HMCN1: variants seen among roughly 807,000 people sequenced by gnomAD.
The protein encoded by HMCN1 is hemicentin 1, also known as hemicentin-1.
Under a neutral mutation model 625.9 loss-of-function variants are expected in HMCN1, and 321 were observed. The observed-to-expected ratio is 0.51, with a 90% CI of 0.47 to 0.56. The LOEUF is 0.56. Among genes scored for constraint, HMCN1 ranks in the 20% least tolerant of loss-of-function variants. The pLI, the probability that HMCN1 is intolerant of heterozygous loss-of-function variation, is 0.00. For synonymous variants in HMCN1, 2,425 were observed against 2,417.6 expected (o/e 1.00, Z -0.09); for missense variants, 6,588 against 6,887.3 (o/e 0.96, Z 1.54).
intron 1 of HMCN1, among the ~76,000 whole-genome samples, chr1:185,751,812 T>TC: frequency 6.6e-6 from 1 of 152,274 alleles, no homozygotes; most frequent in African/African-American, 2.4e-5. Context: ...CTGTTTTTTT[T>TC]CAGAAGTTTC....
Position 186,144,339 on chromosome 1 carries a change from T to C in HMCN1, c.14091T>C (p.Cys4697=), listed in dbSNP as rs1329445819. Residue 4697 remains cysteine, a synonymous_variant, in exon 90 of 107, where the codon TGT becomes TGC. Coordinates refer to ENST00000271588, the MANE Select transcript of HMCN1 (RefSeq NM_031935.3). The part of the protein sequence containing the change: ...TQMQVCNERN[C]PIHGKWATWA... The stretch of plus-strand genomic sequence containing the variant: ...TGCAAGTTTGCAATGAAAGAAATTG[T>C]CCAAGTAAGAGAAATACACTGTTTA... 1.2e-6 allele frequency: 2 copies of C among 1,613,156 alleles called. No individual in the cohort carries two copies. Among genetic ancestry groups the C allele is most frequent in the African/African-American group, 2.7e-5 (2 of 74,858 alleles).
chr1:185,858,353 A>C (rs1662603772), intron 2 of HMCN1, among the ~76,000 whole-genome samples: 1 of 151,998 alleles, frequency 6.6e-6, no homozygotes, highest in Non-Finnish European at 1.5e-5. Flanking sequence ...ATGGATTATG[A>C]TTTTACATTT....
At chr1:185,821,506 T>C (rs745828165) in intron 1 of HMCN1, among the ~76,000 whole-genome samples, 21 of 152,118 alleles carry the variant, frequency 1.4e-4, no homozygotes, top group Admixed American at 4.6e-4. Context: ...GGCCAATTTC[T>C]TATCACTAGC....
At chr1:185,785,598 T>C (rs969198427) in intron 1 of HMCN1, among the ~76,000 whole-genome samples, 4 of 152,190 alleles carry the variant, frequency 2.6e-5, no homozygotes, top group African/African-American at 9.6e-5. Context: ...TTCACCCATG[T>C]TTTATATATA....
At position 186,018,478 on chromosome 1, in the gene HMCN1, G is replaced by A. The variant is rs941643526; in HGVS notation, c.5470+126G>A. On this transcript the variant is annotated intron_variant, in intron 34 of 106. Coordinates refer to ENST00000271588, the MANE Select transcript of HMCN1 (RefSeq NM_031935.3). ...AGTTGTGGAAGGTAGTGTAAAGGAT[G>A]TGAATTTCAGTTGTATGCCAGAATT... 19 of 985,946 alleles carry A rather than the reference G, an allele frequency of 1.9e-5. No homozygotes were observed. The African/African-American group carries it at 2.9e-4, about 15-fold the overall frequency. 61.1% of individuals were successfully genotyped at this position (985,946 alleles called of 1,614,324 possible).
At chr1:186,016,262 G>T in intron 32 of HMCN1, 23 bp downstream of exon 32, 1 of 1,606,394 alleles carries the variant, frequency 6.2e-7, no homozygotes, top group South Asian at 1.1e-5. Context: ...GCCACTGCCT[G>T]GGTTCTCAGA....
At chr1:186,132,475 A>G (rs1372853771) in intron 86 of HMCN1, 66 bp downstream of exon 86, 1 of 1,279,288 alleles carries the variant, frequency 7.8e-7, no homozygotes. Context: ...AAGAGTATTT[A>G]TTTTCTTTAA....
chr1:186,059,005 C>G (rs1440084813), intron 46 of HMCN1, among the ~76,000 whole-genome samples: 1 of 151,846 alleles, frequency 6.6e-6, no homozygotes, highest in Admixed American at 6.6e-5. Context: ...ACTTGTAAAG[C>G]GATAATAATA....
intron 83 of HMCN1, 108 bp from the exon 84 acceptor site, chr1:186,129,858 G>T: frequency 1.5e-6 from 2 of 1,295,664 alleles, no homozygotes; most frequent in Non-Finnish European, 2.2e-6. Context: ...TCATCTCTTT[G>T]GTTCAATTGC....
At chr1:185,962,059 A>G (rs1403259678) in intron 11 of HMCN1, among the ~76,000 whole-genome samples, 2 of 152,234 alleles carry the variant, frequency 1.3e-5, no homozygotes, top group Non-Finnish European at 2.9e-5. Flanking sequence ...TTATCATAAC[A>G]AAGTTATGAT....
At chr1:186,087,150 G>A in intron 58 of HMCN1, 67 bp from the exon 59 acceptor site, 2 of 959,078 alleles carry the variant, frequency 2.1e-6, no homozygotes, top group South Asian at 2.6e-5. Context: ...CTATTTATCT[G>A]ATTGGTAAAA....
intron 4 of HMCN1, among the ~76,000 whole-genome samples, chr1:185,893,136 C>T (rs965610244): frequency 3.3e-5 from 5 of 152,256 alleles, no homozygotes; most frequent in Admixed American, 3.3e-4. Flanking sequence ...CCTTGCACTT[C>T]CTGAGTGAGG....
At chr1:185,849,489 A>G (rs1288412025) in intron 2 of HMCN1, among the ~76,000 whole-genome samples, 1 of 152,224 alleles carries the variant, frequency 6.6e-6, no homozygotes, top group African/African-American at 2.4e-5. Context: ...CATATAGAAC[A>G]TGTTCACTTT....
intron 71 of HMCN1, among the ~76,000 whole-genome samples, chr1:186,109,387 A>G (rs1660774649): frequency 6.6e-6 from 1 of 152,190 alleles, no homozygotes; most frequent in East Asian, 1.9e-4. Flanking sequence ...ATCATCATGC[A>G]TATCACTTAA....
intron 71 of HMCN1, among the ~76,000 whole-genome samples, chr1:186,112,197 T>A (rs978842002): frequency 5.3e-5 from 8 of 152,228 alleles, no homozygotes; most frequent in Non-Finnish European, 7.3e-5. Context: ...TTATTTTTTT[T>A]AAATGTTAGA....
intron 80 of HMCN1, 86 bp downstream of exon 80, chr1:186,120,231 C>A (rs10752962): frequency 0.36 from 512,336 of 1,411,818 alleles, 96,646 homozygotes; most frequent in Admixed American, 0.54. Flanking sequence ...AATGATTATG[C>A]TGCTGTTCCC....
rs372515534 is a variant in HMCN1, at chr1:186,172,847, G to A, written c.15814+716G>A. Among the ~76,000 whole-genome samples the A allele has an allele frequency of 1.1e-3, 166 of 152,228 alleles. 2 individuals are homozygous for A. Among genetic ancestry groups the A allele is most frequent in the East Asian group, 5.6e-3 (29 of 5,178 alleles). On this transcript the variant is annotated intron_variant, in intron 102 of 106. Transcript: ENST00000271588. ...AAAGCAAAGACCTATAATATGAGGAGAATGAAACACCATAAAGAGGAACAA... is the reference window on the plus strand; with the variant it reads ...AAAGCAAAGACCTATAATATGAGGAAAATGAAACACCATAAAGAGGAACAA...
intron 1 of HMCN1, among the ~76,000 whole-genome samples, chr1:185,817,487 G>T (rs1447898190): frequency 6.6e-6 from 1 of 152,070 alleles, no homozygotes; most frequent in Non-Finnish European, 1.5e-5. Context: ...AGAAGAGAAA[G>T]GCTGAGGCCA....
chr1:185,930,983 G>A (rs572880407), intron 10 of HMCN1, among the ~76,000 whole-genome samples: 1 of 151,602 alleles, frequency 6.6e-6, no homozygotes, highest in Admixed American at 6.6e-5. Flanking sequence ...ATTCTGAAGA[G>A]CGAAAACTTG....
Sources: allele counts gnomAD v4.1 joint callset (sites outside exome capture counted in the v4.1 genomes callset), GRCh38; gene constraint gnomAD v4.1.1; transcripts MANE v1.5; gene names NCBI Gene and HGNC (gene_info 2026-07-23, HGNC 2026-07-21).